The following KIF2A variants were observed in gnomAD, a reference collection of about 807,000 sequenced individuals.
The protein encoded by KIF2A is kinesin-like protein KIF2A.
KIF2A carries 22 observed loss-of-function variants against 100.2 expected under a neutral mutation model. The ratio of observed to expected loss-of-function variants is 0.22; its 90% CI spans 0.16 to 0.31. KIF2A has a LOEUF of 0.31. Among genes scored for constraint, KIF2A ranks in the 10% least tolerant of loss-of-function variants. The pLI, the probability that KIF2A is intolerant of heterozygous loss-of-function variation, is 1.00. For synonymous variants in KIF2A, 268 were observed against 285.9 expected (o/e 0.94, Z 0.63); for missense variants, 495 against 898.7 (o/e 0.55, Z 5.74).
chr5:62,383,918 A>G (rs1041168360), intron 20 of KIF2A, among the ~76,000 whole-genome samples: 1 of 152,140 alleles, frequency 6.6e-6, no homozygotes, highest in African/African-American at 2.4e-5. Flanking sequence ...AGTCCTTAGA[A>G]TTTTTTTAAC....
chr5:62,344,237 A>C (rs1747439394), intron 1 of KIF2A, among the ~76,000 whole-genome samples: 1 of 151,850 alleles, frequency 6.6e-6, no homozygotes, highest in Admixed American at 6.6e-5. Flanking sequence ...CTAGCTACTC[A>C]GGAGGCTGAG....
intron 19 of KIF2A, among the ~76,000 whole-genome samples, chr5:62,380,526 T>C (rs1035619981): frequency 1.3e-5 from 2 of 152,174 alleles, no homozygotes; most frequent in African/African-American, 4.8e-5. Flanking sequence ...TTAAGGATGC[T>C]GACCCCCAGC....
intron 1 of KIF2A, among the ~76,000 whole-genome samples, chr5:62,333,854 T>C (rs1405696400): frequency 1.3e-5 from 2 of 152,080 alleles, no homozygotes; most frequent in Non-Finnish European, 1.5e-5. Flanking sequence ...GTCCCCAGGA[T>C]ACTTATTCAG....
At chr5:62,329,337 T>A (rs1305905992) in intron 1 of KIF2A, among the ~76,000 whole-genome samples, 1 of 152,248 alleles carries the variant, frequency 6.6e-6, no homozygotes, top group African/African-American at 2.4e-5. Flanking sequence ...CCTTCTCTAA[T>A]GGCTTCTTGT....
intron 1 of KIF2A, among the ~76,000 whole-genome samples, chr5:62,323,582 C>A (rs1467958428): frequency 6.6e-6 from 1 of 151,568 alleles, no homozygotes; most frequent in East Asian, 1.9e-4. Flanking sequence ...TTTATACATT[C>A]TGAAGTAAAT....
intron 19 of KIF2A, among the ~76,000 whole-genome samples, chr5:62,380,641 T>C (rs1034574028): frequency 6.6e-6 from 1 of 152,224 alleles, no homozygotes; most frequent in Non-Finnish European, 1.5e-5. Context: ...TTGTATGTTA[T>C]ATATGTGATA....
chr5:62,334,946 T>C (rs1175873883), intron 1 of KIF2A, among the ~76,000 whole-genome samples: 1 of 152,178 alleles, frequency 6.6e-6, no homozygotes, highest in East Asian at 1.9e-4. Flanking sequence ...GATGAGTGAC[T>C]TCAGCCTGGG....
chr5:62,366,110 C>G (rs1464650912), intron 15 of KIF2A, among the ~76,000 whole-genome samples: 2 of 151,528 alleles, frequency 1.3e-5, no homozygotes, highest in Non-Finnish European at 2.9e-5. Context: ...TGTCAAAAAG[C>G]TGTTTAAAAA....
At chr5:62,344,923 T>C (rs1335741127) in intron 1 of KIF2A, among the ~76,000 whole-genome samples, 5 of 152,208 alleles carry the variant, frequency 3.3e-5, no homozygotes, top group Admixed American at 6.5e-5. Flanking sequence ...TTATTACTTA[T>C]ATGGATTTTT....
In KIF2A at chr5:62,355,973, G is replaced by A. The variant is rs565292144; in HGVS notation, c.654+719G>A. 1.2e-4 allele frequency among the ~76,000 whole-genome samples: 18 copies of A among 151,846 alleles called. No individual in the cohort carries two copies. In the South Asian group the frequency reaches 2.7e-3, roughly 23 times the overall value. ...ATTTTTGTATTTTTAGTAGAAACGG[G>A]GTTCACCTTTTTGGTCAGGCTGGTC... On this transcript the variant is annotated intron_variant, in intron 7 of 20. Coordinates refer to ENST00000407818, the MANE Select transcript of KIF2A (RefSeq NM_001098511.3).
At chr5:62,314,571 C>T (rs569595255) in intron 1 of KIF2A, among the ~76,000 whole-genome samples, 13 of 152,144 alleles carry the variant, frequency 8.5e-5, no homozygotes, top group Middle Eastern at 3.4e-3. Flanking sequence ...CATTATGGCC[C>T]GGGAACTGTA....
chr5:62,364,232 C>T (rs1740952077), intron 14 of KIF2A, among the ~76,000 whole-genome samples: 1 of 152,030 alleles, frequency 6.6e-6, no homozygotes, highest in South Asian at 2.1e-4. Flanking sequence ...ACCGCAACCT[C>T]CACCTCCTGG....
chr5:62,329,211 C>T (rs561057299), intron 1 of KIF2A, among the ~76,000 whole-genome samples: 137 of 152,252 alleles, frequency 9.0e-4, no homozygotes, highest in Non-Finnish European at 1.1e-3. Context: ...ACAGTAACAT[C>T]TTAAGTGTGA....
At position 62,357,711 on chromosome 5, in the gene KIF2A, T is replaced by C. The variant is rs1487842147; in HGVS notation, c.675T>C (p.Cys225=). 2.6e-6 allele frequency: 4 copies of C among 1,561,064 alleles called. No homozygotes were observed. The highest frequency in any genetic ancestry group is 2.6e-6 in the Non-Finnish European group (3 of 1,135,036). The part of the protein sequence containing the change: ...TADPIDEHRI[C]VCVRKRPLNK... ...TCTAGATTGATGAACATAGGATATG[T>C]GTGTGTGTAAGAAAACGACCACTCA... The change falls in exon 8 of 21, where the codon TGT becomes TGC. Residue 225 remains cysteine, a synonymous_variant. Coordinates refer to ENST00000407818, the MANE Select transcript of KIF2A (RefSeq NM_001098511.3).
At chr5:62,325,170 G>A (rs1237783417) in intron 1 of KIF2A, among the ~76,000 whole-genome samples, 3 of 151,872 alleles carry the variant, frequency 2.0e-5, no homozygotes, top group Admixed American at 2.0e-4. Context: ...TGTCACCCAG[G>A]CTCGAGTGCA....
At chr5:62,357,872 A>G (rs994339279) in intron 8 of KIF2A, 127 bp downstream of exon 8, 49 of 673,554 alleles carry the variant, frequency 7.3e-5, no homozygotes, top group Non-Finnish European at 1.2e-4. Context: ...TGTAACCATT[A>G]TGCAGATTTC....
intron 7 of KIF2A, among the ~76,000 whole-genome samples, 168 bp downstream of exon 7, chr5:62,355,422 G>C (rs955233048): frequency 6.6e-6 from 1 of 152,104 alleles, no homozygotes. Flanking sequence ...CCACATTAAT[G>C]CTTATTTTCC....
chr5:62,361,385 T>G, intron 10 of KIF2A, 53 bp downstream of exon 10: 4 of 1,460,402 alleles, frequency 2.7e-6, no homozygotes. Context: ...TTTCTTTTCC[T>G]TATAGCTTAA....
At chr5:62,363,673 G>C (rs760926875) in intron 13 of KIF2A, 22 bp from the exon 14 acceptor site, 2 of 1,599,744 alleles carry the variant, frequency 1.3e-6, no homozygotes, top group Admixed American at 3.4e-5. Flanking sequence ...AATGTATCAA[G>C]ATGTCCTTAA....
Sources: allele counts gnomAD v4.1 joint callset (sites outside exome capture counted in the v4.1 genomes callset), GRCh38; gene constraint gnomAD v4.1.1; transcripts MANE v1.5; gene names NCBI Gene and HGNC (gene_info 2026-07-23, HGNC 2026-07-21).